The following DYTN variants were observed in gnomAD, a reference collection of about 807,000 sequenced individuals.
DYTN encodes the protein dystrotelin.
Under a neutral mutation model 69.6 loss-of-function variants are expected in DYTN, and 75 were observed. The ratio of observed to expected loss-of-function variants is 1.08; its 90% CI spans 0.89 to 1.31. DYTN has a LOEUF of 1.31. Ranked by LOEUF, DYTN falls within the 50% of genes most tolerant of loss-of-function variation. The pLI, the probability that DYTN is intolerant of heterozygous loss-of-function variation, is 0.00. For synonymous variants in DYTN, 252 were observed against 249.1 expected, an observed-to-expected ratio of 1.01 and a Z score of -0.11; for missense variants, 726 against 688.4, an observed-to-expected ratio of 1.05 and a Z score of -0.61.
At chr2:206,717,043 A>AACACAC (rs71852382) in intron 1 of DYTN, among the ~76,000 whole-genome samples, 1,528 of 143,804 alleles carry the variant, frequency 0.011, 14 homozygotes, top group African/African-American at 0.019. Context: ...TGCCGATGCA[A>AACACAC]ACACACACAC....
chr2:206,682,757 A>G (rs1455017564), intron 9 of DYTN, among the ~76,000 whole-genome samples: 1 of 152,064 alleles, frequency 6.6e-6, no homozygotes, highest in Non-Finnish European at 1.5e-5. Flanking sequence ...AGACTTCTCA[A>G]TTTTAATGTG....
chr2:206,698,939 C>T (rs939575678), intron 7 of DYTN, among the ~76,000 whole-genome samples: 8 of 152,196 alleles, frequency 5.3e-5, no homozygotes, highest in African/African-American at 7.2e-5. Context: ...CCAGCCTCTG[C>T]GGCTTGCTAA....
rs916736102 is a variant in DYTN at position 206,693,309 on chromosome 2, C to A, written c.846G>T (p.Gln282His). 6.2e-6 allele frequency: 10 copies of A among 1,612,272 alleles called. No individual in the cohort carries two copies. The highest frequency in any genetic ancestry group is 8.5e-6 in the Non-Finnish European group (10 of 1,179,838). ...IEHCIQMSAMQNTKLLFRTLR... is the reference protein window; with the variant it reads ...IEHCIQMSAMHNTKLLFRTLR... ...GGGTCCTGAAGAGAAGTTTTGTATTCTGCATTGCTGACATCTGCTGAAAGG... is the reference window on the plus strand; with the variant it reads ...GGGTCCTGAAGAGAAGTTTTGTATTATGCATTGCTGACATCTGCTGAAAGG... Residue 282 changes from glutamine (Q) to histidine (H), a missense_variant, in exon 9 of 12, where the codon CAG becomes CAT. Gln to His is a conservative substitution (Grantham distance 24). Coordinates refer to ENST00000452335, the MANE Select transcript of DYTN (RefSeq NM_001093730.1).
chr2:206,695,866 C>T (rs996236321), intron 7 of DYTN, among the ~76,000 whole-genome samples: 2 of 152,196 alleles, frequency 1.3e-5, no homozygotes, highest in African/African-American at 4.8e-5. Context: ...TAGCTATAGT[C>T]CCTACCTGTC....
chr2:206,677,055 T>C (rs1236165510), intron 9 of DYTN, among the ~76,000 whole-genome samples: 1 of 152,124 alleles, frequency 6.6e-6, no homozygotes, highest in African/African-American at 2.4e-5. Flanking sequence ...CAAACAATTC[T>C]CCTGCCTCAA....
chr2:206,666,772 A>G (rs1260525677), intron 9 of DYTN, among the ~76,000 whole-genome samples: 4 of 119,646 alleles, frequency 3.3e-5, no homozygotes, highest in African/African-American at 1.0e-4. Context: ...TGTGTGTGTT[A>G]TCTTAGTGCT....
At chr2:206,698,432 G>A (rs760266063) in intron 7 of DYTN, among the ~76,000 whole-genome samples, 3 of 152,158 alleles carry the variant, frequency 2.0e-5, no homozygotes, top group Admixed American at 1.3e-4. Context: ...AAGGGAAGGG[G>A]AACAAAGTGA....
chr2:206,662,165 AT>A (rs1699519100), intron 11 of DYTN, among the ~76,000 whole-genome samples: 1 of 152,152 alleles, frequency 6.6e-6, no homozygotes, highest in African/African-American at 2.4e-5. Flanking sequence ...GTGTTTGATG[AT>A]TTTGCCCAAT....
chr2:206,668,889 C>A (rs1277941451), intron 9 of DYTN, among the ~76,000 whole-genome samples: 1 of 152,124 alleles, frequency 6.6e-6, no homozygotes, highest in Non-Finnish European at 1.5e-5. Flanking sequence ...GGCGTTTCCC[C>A]CGCTTGTCCT....
chr2:206,705,952 C>G (rs527523670), intron 3 of DYTN, 79 bp from the exon 4 acceptor site: 1 of 1,481,126 alleles, frequency 6.8e-7, no homozygotes. Flanking sequence ...AAAACCATAA[C>G]TATTAATGGG....
chr2:206,713,037 G>A (rs1293234577), intron 1 of DYTN, among the ~76,000 whole-genome samples: 1 of 152,224 alleles, frequency 6.6e-6, no homozygotes, highest in Non-Finnish European at 1.5e-5. Context: ...TAGAGATGGA[G>A]AGAAACCGCT....
intron 1 of DYTN, among the ~76,000 whole-genome samples, chr2:206,713,068 C>T (rs137900419): frequency 6.6e-6 from 1 of 152,196 alleles, no homozygotes; most frequent in Non-Finnish European, 1.5e-5. Context: ...AATGTCCCAG[C>T]CCAGGAAAGC....
At chr2:206,684,768 GTTTT>G (rs992352629) in intron 9 of DYTN, among the ~76,000 whole-genome samples, 2 of 151,548 alleles carry the variant, frequency 1.3e-5, no homozygotes, top group African/African-American at 4.9e-5. Flanking sequence ...TTCTTCTTGA[GTTTT>G]TTTTCTTAGA....
At chr2:206,652,883 C>T (rs999414511) in intron 11 of DYTN, among the ~76,000 whole-genome samples, 2 of 152,084 alleles carry the variant, frequency 1.3e-5, no homozygotes, top group Non-Finnish European at 2.9e-5. Context: ...TTTAAAAAAT[C>T]TGTGCACTTT....
At chr2:206,659,472 C>T (rs958992758) in intron 11 of DYTN, among the ~76,000 whole-genome samples, 4 of 132,360 alleles carry the variant, frequency 3.0e-5, no homozygotes, top group African/African-American at 8.9e-5. Flanking sequence ...CCACGCCGGG[C>T]CCAACAATTC....
At chr2:206,653,607 A>G (rs1056669599) in intron 11 of DYTN, among the ~76,000 whole-genome samples, 4 of 152,216 alleles carry the variant, frequency 2.6e-5, no homozygotes, top group Admixed American at 6.5e-5. Flanking sequence ...TTTTTAGTCT[A>G]TGTTCACTCT....
chr2:206,679,771 A>T (rs1699730059), intron 9 of DYTN, among the ~76,000 whole-genome samples: 1 of 152,198 alleles, frequency 6.6e-6, no homozygotes, highest in Admixed American at 6.5e-5. Flanking sequence ...GAAAGACACG[A>T]TTATTCTGTG....
At chr2:206,718,167 T>C in intron 1 of DYTN, 94 bp downstream of exon 1, 1 of 1,346,290 alleles carries the variant, frequency 7.4e-7, no homozygotes, top group Non-Finnish European at 9.9e-7. Context: ...GCCAAATGTT[T>C]ACTCTTCTTC....
In DYTN at chr2:206,697,419, A is replaced by C. The variant is rs546868784; in HGVS notation, c.719+2308T>G. 3.3e-4 allele frequency among the ~76,000 whole-genome samples: 51 copies of C among 152,264 alleles called. No homozygotes were observed. The South Asian group carries it at 0.01, about 30-fold the overall frequency. ...CACCTTCTCTTTCTTTAGAAGGCCA[A>C]ATCTTTGTCCTCTTCCTGCTACCTG... On this transcript the variant is annotated intron_variant, in intron 7 of 11. Transcript: ENST00000452335.
Sources: gnomAD v4.1 joint callset for allele counts (sites outside exome capture counted in the v4.1 genomes callset) on GRCh38, gnomAD v4.1.1 for gene constraint, MANE v1.5 for transcripts, NCBI Gene and HGNC (gene_info 2026-07-23, HGNC 2026-07-21) for gene names.